ATXN7L1: variants seen among roughly 807,000 people sequenced by gnomAD.
ATXN7L1 encodes ataxin 7 like 1.
In ATXN7L1, 15 loss-of-function variants were observed where a neutral mutation model predicts 70.8. The ratio of observed to expected loss-of-function variants is 0.21; its 90% CI spans 0.14 to 0.33. ATXN7L1 has a LOEUF of 0.33. ATXN7L1 is among the 10% of genes least tolerant of loss of function. The pLI is 1.00. For missense variants in ATXN7L1, 975 were observed against 1,097.1 expected (o/e 0.89, Z 1.57); for synonymous variants, 440 against 445.1 (o/e 0.99, Z 0.14).
chr7:105,873,919 G>A (rs187857940), intron 2 of ATXN7L1, among the ~76,000 whole-genome samples: 6 of 152,172 alleles, frequency 3.9e-5, no homozygotes, highest in Admixed American at 3.3e-4. Flanking sequence ...GAGGTCAAGA[G>A]ATCAAGACCA....
chr7:105,675,504 A>T (rs1804496265), intron 3 of ATXN7L1, among the ~76,000 whole-genome samples: 1 of 152,160 alleles, frequency 6.6e-6, no homozygotes, highest in African/African-American at 2.4e-5. Flanking sequence ...GCATGCCTGT[A>T]ATCCCCGCTA....
At chr7:105,797,875 T>C (rs1019123535) in intron 2 of ATXN7L1, among the ~76,000 whole-genome samples, 1 of 152,188 alleles carries the variant, frequency 6.6e-6, no homozygotes, top group Non-Finnish European at 1.5e-5. Flanking sequence ...AAGACAGGAA[T>C]TGTGACTTAT....
chr7:105,793,004 A>G (rs1563097705), intron 2 of ATXN7L1, among the ~76,000 whole-genome samples: 4 of 152,258 alleles, frequency 2.6e-5, no homozygotes, highest in South Asian at 4.1e-4. Flanking sequence ...CAACTATAGT[A>G]AAGTAATTTG....
intron 3 of ATXN7L1, among the ~76,000 whole-genome samples, chr7:105,725,183 A>G (rs74592657): frequency 0.063 from 9,580 of 152,200 alleles, 393 homozygotes; most frequent in South Asian, 0.16. Flanking sequence ...AACAGGGCAA[A>G]CAAGGTCCAG....
chr7:105,623,739 G>A (rs1271673161), intron 8 of ATXN7L1, among the ~76,000 whole-genome samples: 1 of 152,190 alleles, frequency 6.6e-6, no homozygotes, highest in Non-Finnish European at 1.5e-5. Context: ...AAGGCCAGAG[G>A]GTCAGCTCCT....
chr7:105,763,315 A>G, intron 3 of ATXN7L1, among the ~76,000 whole-genome samples: 1 of 152,074 alleles, frequency 6.6e-6, no homozygotes, highest in East Asian at 1.9e-4. Context: ...GTGTCCACTC[A>G]GTCCTCACAG....
At chr7:105,733,685 TCCAC>T in intron 3 of ATXN7L1, among the ~76,000 whole-genome samples, 1 of 105,748 alleles carries the variant, frequency 9.5e-6, no homozygotes, top group East Asian at 2.4e-4. Context: ...CATCCACCCA[TCCAC>T]CCATCCATCC....
At chr7:105,619,524 ATATATATTTTTTTTTTTT>A (rs1305818988) in intron 9 of ATXN7L1, among the ~76,000 whole-genome samples, 3 of 21,574 alleles carry the variant, frequency 1.4e-4, no homozygotes, top group South Asian at 2.8e-3. Flanking sequence ...ATATATATAT[ATATATATTTTTTTTTTTT>A]TTTTTTTTTT....
chr7:105,798,711 T>C (rs1429962319), intron 2 of ATXN7L1, among the ~76,000 whole-genome samples: 1 of 152,212 alleles, frequency 6.6e-6, no homozygotes, highest in Non-Finnish European at 1.5e-5. Context: ...AATTCAGCCT[T>C]CTCTCTGACA....
At chr7:105,646,506 C>T (rs1262258234) in intron 4 of ATXN7L1, among the ~76,000 whole-genome samples, 2 of 152,096 alleles carry the variant, frequency 1.3e-5, no homozygotes, top group African/African-American at 2.4e-5. Context: ...CAACCTCGGC[C>T]TCTTGGGTTC....
chr7:105,801,583 C>T (rs962420032), intron 2 of ATXN7L1, among the ~76,000 whole-genome samples: 1 of 152,134 alleles, frequency 6.6e-6, no homozygotes, highest in Non-Finnish European at 1.5e-5. Context: ...ATTCTGTTAG[C>T]TAAGGGGAAA....
intron 3 of ATXN7L1, among the ~76,000 whole-genome samples, chr7:105,747,119 G>A (rs148291897): frequency 4.6e-5 from 7 of 152,264 alleles, no homozygotes; most frequent in African/African-American, 1.7e-4. Context: ...TCTTTTGCAC[G>A]CTAATGAGTT....
At chr7:105,746,129 T>C (rs957147819) in intron 3 of ATXN7L1, among the ~76,000 whole-genome samples, 9 of 152,124 alleles carry the variant, frequency 5.9e-5, no homozygotes, top group African/African-American at 2.2e-4. Context: ...ATATTCAGAA[T>C]CTGGCTTTTC....
In ATXN7L1 at chr7:105,607,907, G is replaced by GA. The variant is rs746329229; in HGVS notation, c.2548-18dup. 2 of 1,551,208 alleles carry GA rather than the reference G, an allele frequency of 1.3e-6. No homozygotes were observed. The highest frequency in any genetic ancestry group is 4.9e-5 in the East Asian group (2 of 40,916). ...GTTTGTGTTCTTCTAGGAAAGAAAA[G>GA]AAAAACTTGTTTCAAAACCATACAG... On this transcript the variant is annotated splice_polypyrimidine_tract_variant and intron_variant, in intron 11 of 11. Coordinates refer to ENST00000419735, the MANE Select transcript of ATXN7L1 (RefSeq NM_020725.2).
chr7:105,822,207 G>A (rs1278184548), intron 2 of ATXN7L1, among the ~76,000 whole-genome samples: 3 of 152,214 alleles, frequency 2.0e-5, no homozygotes, highest in Non-Finnish European at 4.4e-5. Context: ...GGAGGCTGAC[G>A]TGGGAGGATT....
At chr7:105,744,995 C>T (rs1798422771) in intron 3 of ATXN7L1, among the ~76,000 whole-genome samples, 1 of 152,060 alleles carries the variant, frequency 6.6e-6, no homozygotes, top group Non-Finnish European at 1.5e-5. Context: ...GCCTTAGCCT[C>T]CCAAAGTGCT....
At chr7:105,642,313 G>C (rs1182351872) in intron 5 of ATXN7L1, among the ~76,000 whole-genome samples, 2 of 152,194 alleles carry the variant, frequency 1.3e-5, no homozygotes, top group African/African-American at 2.4e-5. Flanking sequence ...CTGATTATGG[G>C]GGATCGACAG....
In ATXN7L1 at chr7:105,642,922, C is replaced by A; in HGVS notation, c.778G>T (p.Gly260Cys). The change falls in exon 5 of 12, where the codon GGC (glycine) becomes TGC (cysteine). Residue 260 changes from glycine (G) to cysteine (C), a missense_variant. Physicochemically the swap from Gly to Cys is radical, Grantham distance 159 (BLOSUM62 -3). Around this residue, in one of 5 missense-constraint regions of ATXN7L1, gnomAD observed 192 missense variants for 215.5 expected, o/e 0.89. Coordinates refer to ENST00000419735, the MANE Select transcript of ATXN7L1 (RefSeq NM_020725.2). ...ATGGTGGTTGGCAGAATTCCTTTGC[C>A]ATTTAAGATCTTCTCTGGTGAAGGT... Reference protein sequence around the residue: ...VPPSPEKILNGKGILPTTIDK... With the variant: ...VPPSPEKILNCKGILPTTIDK... 1 of 1,551,636 alleles carries A rather than the reference C, an allele frequency of 6.4e-7. No individual in the cohort carries two copies. The highest frequency in any genetic ancestry group is 8.7e-7 in the Non-Finnish European group (1 of 1,146,968).
intron 4 of ATXN7L1, among the ~76,000 whole-genome samples, chr7:105,653,868 C>T (rs971868460): frequency 6.6e-6 from 1 of 152,092 alleles, no homozygotes; most frequent in Non-Finnish European, 1.5e-5. Flanking sequence ...CTGGTGTGCC[C>T]TCCCCCATTC....
Sources: allele counts gnomAD v4.1 joint callset (sites outside exome capture counted in the v4.1 genomes callset), GRCh38; gene constraint gnomAD v4.1.1; regional missense constraint gnomAD v4.1.1; transcripts MANE v1.5; gene names NCBI Gene and HGNC (gene_info 2026-07-23, HGNC 2026-07-21).